MRPS6: variants seen among roughly 807,000 people sequenced by gnomAD.
MRPS6 encodes mitochondrial ribosomal protein S6, also known as small ribosomal subunit protein bS6m.
MRPS6 carries 6 observed loss-of-function variants against 13.1 expected under a neutral mutation model. The observed-to-expected ratio is 0.46, with a 90% CI of 0.25 to 0.91. The LOEUF (loss-of-function observed/expected upper bound fraction) is 0.91. Ranked by LOEUF, MRPS6 falls within the 40% of genes least tolerant of loss-of-function variation. The pLI, the probability that MRPS6 is intolerant of heterozygous loss-of-function variation, is 0.18. For synonymous variants in MRPS6, 61 were observed against 56.5 expected (o/e 1.08, Z -0.36); for missense variants, 164 against 155.6 (o/e 1.05, Z -0.29).
intron 1 of MRPS6, among the ~76,000 whole-genome samples, chr21:34,107,954 C>CT (rs1979545658): frequency 6.6e-6 from 1 of 152,160 alleles, no homozygotes; most frequent in South Asian, 2.1e-4. Context: ...CTTCTGGGCC[C>CT]TTTCAGTGTA....
At chr21:34,108,241 C>T (rs990172521) in intron 1 of MRPS6, among the ~76,000 whole-genome samples, 2 of 152,210 alleles carry the variant, frequency 1.3e-5, no homozygotes, top group African/African-American at 4.8e-5. Context: ...CAGCTCCATT[C>T]ATGGTAAGTG....
intron 1 of MRPS6, chr21:34,100,150 A>C: frequency 1.0e-6 from 1 of 999,814 alleles, no homozygotes; most frequent in Non-Finnish European, 1.2e-6. Context: ...TAAAAGTCAA[A>C]ATGAGGTGAG....
At chr21:34,139,205 AG>A (rs553805269) in intron 2 of MRPS6, among the ~76,000 whole-genome samples, 2,454 of 90,420 alleles carry the variant, frequency 0.027, 98 homozygotes, top group African/African-American at 0.097. Context: ...GGGAGGGGGG[AG>A]GGATAGCATT....
At chr21:34,116,206 G>A (rs1979896944) in intron 1 of MRPS6, among the ~76,000 whole-genome samples, 1 of 150,974 alleles carries the variant, frequency 6.6e-6, no homozygotes, top group African/African-American at 2.4e-5. Flanking sequence ...GTGTGTGTGT[G>A]TGTGTGTGTG....
intron 2 of MRPS6, among the ~76,000 whole-genome samples, chr21:34,141,568 G>T (rs1202723008): frequency 1.3e-5 from 2 of 152,216 alleles, no homozygotes; most frequent in African/African-American, 4.8e-5. Flanking sequence ...GGCAAGCGAT[G>T]ACGAAAATTT....
chr21:34,096,922 G>A lies in MRPS6; in HGVS notation c.45+23177G>A, dbSNP rs1357784941. On this transcript the variant is annotated intron_variant, in intron 1 of 2. Transcript: ENST00000399312. The surrounding 1 kb of genome is among the most constrained non-coding windows in gnomAD (Gnocchi z 5.9). Reference sequence around the variant, plus strand: ...ATGCAAGAAAAGAGCATTCTGAGATGCAGTGAGAATAATGAGACCATCAAC... The same window carrying A: ...ATGCAAGAAAAGAGCATTCTGAGATACAGTGAGAATAATGAGACCATCAAC... 1 of 1,613,996 alleles carries A rather than the reference G, an allele frequency of 6.2e-7. No individual in the cohort carries two copies. Among genetic ancestry groups the A allele is most frequent in the Non-Finnish European group, 8.5e-7 (1 of 1,179,990 alleles).
intron 1 of MRPS6, among the ~76,000 whole-genome samples, chr21:34,083,965 C>T (rs957555559): frequency 2.6e-5 from 4 of 152,170 alleles, no homozygotes; most frequent in African/African-American, 4.8e-5. Context: ...TTTTCTATCC[C>T]TCTACTTGTC....
Position 34,073,665 on chromosome 21 carries a change from G to A in MRPS6, c.-36G>A, listed in dbSNP as rs1441396017. ...CCGCCCCTTCGCGTCCCGGGAACCG[G>A]CTGGCTTCCGAGCCGCACTCGCCGA... On this transcript the variant is annotated 5_prime_UTR_variant, in exon 1 of 3. Coordinates refer to ENST00000399312, the MANE Select transcript of MRPS6 (RefSeq NM_032476.4). The A allele has an allele frequency of 1.3e-6, 2 of 1,508,912 alleles. No individual in the cohort carries two copies. The highest frequency in any genetic ancestry group is 2.7e-5 in the East Asian group (1 of 36,500). 93.5% of individuals were successfully genotyped at this position (1,508,912 alleles called of 1,614,324 possible).
At chr21:34,142,303 T>C (rs958302594) in intron 2 of MRPS6, 105 bp from the exon 3 acceptor site, 36 of 1,232,764 alleles carry the variant, frequency 2.9e-5, no homozygotes, top group Admixed American at 1.4e-4. Flanking sequence ...TGTGTTTGTG[T>C]GTAGTTGATG....
At chr21:34,080,958 T>C (rs1989445680) in intron 1 of MRPS6, among the ~76,000 whole-genome samples, 1 of 152,218 alleles carries the variant, frequency 6.6e-6, no homozygotes, top group Non-Finnish European at 1.5e-5. Flanking sequence ...TTATGACAGG[T>C]AATCTTGTTT....
intron 1 of MRPS6, among the ~76,000 whole-genome samples, chr21:34,121,616 T>A (rs1029739599): frequency 1.3e-5 from 2 of 152,120 alleles, no homozygotes; most frequent in African/African-American, 4.8e-5. Flanking sequence ...TCAGATGGGG[T>A]GAGAGAAGCC....
intron 1 of MRPS6, chr21:34,102,889 G>A (rs1569418991): frequency 4.0e-6 from 4 of 999,684 alleles, no homozygotes; most frequent in Non-Finnish European, 4.8e-6. Flanking sequence ...CAGTGAATTC[G>A]ACAACCGCAC....
chr21:34,101,660 T>A (rs999345289), intron 1 of MRPS6: 2 of 1,000,104 alleles, frequency 2.0e-6, no homozygotes, highest in East Asian at 2.3e-4. Context: ...TAGTTCACTT[T>A]AAGGCATATT....
chr21:34,082,955 A>T (rs1255032115), intron 1 of MRPS6, among the ~76,000 whole-genome samples: 1 of 152,020 alleles, frequency 6.6e-6, no homozygotes, highest in Non-Finnish European at 1.5e-5. Context: ...GAAAGCTTAA[A>T]AATGAAATTG....
Position 34,073,711 on chromosome 21 carries a change from A to AAT in MRPS6, c.11_12insAT (p.Tyr4Ter). 6.6e-7 allele frequency: 1 copy of AAT among 1,525,098 alleles called. No homozygotes were observed. Among genetic ancestry groups the AAT allele is most frequent in the Non-Finnish European group, 8.9e-7 (1 of 1,129,368 alleles). The allele number at this position is 1,525,098 out of a possible 1,614,324, so 94.5% of individuals were successfully genotyped here. A position where few individuals can be genotyped will look rare whatever the true frequency, so the allele number is the denominator to read the frequency against. Residue 4 changes from tyrosine (Y) to a stop codon, truncating the protein, a stop_gained and frameshift_variant, in exon 1 of 3, where the codon TAC becomes TAATC. Coordinates refer to ENST00000399312, the MANE Select transcript of MRPS6 (RefSeq NM_032476.4). LOFTEE classifies it high-confidence loss of function. Reference sequence around the variant, plus strand: ...GCCGATCCTCCAGGCATGCCCCGCTACGAGCTGGCTTTAATCCTGAAAGCC... The same window carrying AAT: ...GCCGATCCTCCAGGCATGCCCCGCTAATCGAGCTGGCTTTAATCCTGAAAGCC... MPR[Y>*]ELALILKAMQ...
At chr21:34,138,273 G>T (rs367698431) in intron 2 of MRPS6, among the ~76,000 whole-genome samples, 1 of 151,788 alleles carries the variant, frequency 6.6e-6, no homozygotes, top group African/African-American at 2.4e-5. Context: ...AGATCCCATT[G>T]GTCAATTTTG....
intron 1 of MRPS6, among the ~76,000 whole-genome samples, chr21:34,113,876 T>A (rs906628962): frequency 2.0e-5 from 3 of 152,180 alleles, no homozygotes; most frequent in African/African-American, 7.2e-5. Context: ...TTCCCTCCCC[T>A]GGTTTTCTTG....
At chr21:34,102,282 T>C (rs1979274962) in intron 1 of MRPS6, 1 of 999,530 alleles carries the variant, frequency 1.0e-6, no homozygotes, top group African/African-American at 1.7e-5. Context: ...CATATAAATG[T>C]TTTTATTTAA....
At chr21:34,100,196 C>T (rs967585998) in intron 1 of MRPS6, 4 of 1,000,080 alleles carry the variant, frequency 4.0e-6, no homozygotes, top group East Asian at 1.1e-4. Context: ...AAATAAATGT[C>T]TTACCAGGTG....
Sources: allele counts gnomAD v4.1 joint callset (sites outside exome capture counted in the v4.1 genomes callset), GRCh38; gene constraint gnomAD v4.1.1; non-coding constraint Gnocchi (gnomAD v3.1); transcripts MANE v1.5; gene names NCBI Gene and HGNC (gene_info 2026-07-23, HGNC 2026-07-21).